Variants in SPAG17 observed in about 807,000 individuals in gnomAD.
SPAG17 encodes sperm associated antigen 17.
In SPAG17, 169 loss-of-function variants were observed where a neutral mutation model predicts 273.6. The ratio of observed to expected loss-of-function variants is 0.62; its 90% CI spans 0.55 to 0.70. SPAG17 has a LOEUF of 0.70. SPAG17 is among the 30% of genes least tolerant of loss of function. SPAG17 has a pLI of 0.00. For missense variants in SPAG17, 2,557 were observed against 2,627.8 expected (o/e 0.97, Z 0.59); for synonymous variants, 825 against 873.2 (o/e 0.94, Z 0.97).
At chr1:118,098,652 T>G (rs1443891719) in intron 6 of SPAG17, among the ~76,000 whole-genome samples, 1 of 152,138 alleles carries the variant, frequency 6.6e-6, no homozygotes, top group African/African-American at 2.4e-5. Context: ...CTTTTTAACT[T>G]AATAGCTGCC....
intron 3 of SPAG17, among the ~76,000 whole-genome samples, chr1:118,145,496 T>C (rs542229073): frequency 1.5e-3 from 236 of 152,318 alleles, no homozygotes; most frequent in African/African-American, 5.1e-3. Context: ...TAAAGTATGG[T>C]GAAATGCATT....
intron 3 of SPAG17, among the ~76,000 whole-genome samples, chr1:118,136,801 A>ATG (rs5777337): frequency 1.8e-3 from 263 of 147,248 alleles, no homozygotes; most frequent in Middle Eastern, 0.017. Flanking sequence ...GTGTGTGTGT[A>ATG]TGTGTGTGTG....
intron 30 of SPAG17, among the ~76,000 whole-genome samples, chr1:118,010,303 G>A (rs10923467): frequency 0.066 from 9,965 of 152,000 alleles, 526 homozygotes; most frequent in East Asian, 0.31. Context: ...TCAACTATAA[G>A]CTATACTACA....
intron 15 of SPAG17, among the ~76,000 whole-genome samples, chr1:118,074,986 C>CA (rs1557990382): frequency 2.0e-5 from 3 of 152,140 alleles, no homozygotes; most frequent in Non-Finnish European, 4.4e-5. Context: ...TATCACAAAG[C>CA]CTTTTTAAAT....
chr1:118,063,225 A>G (rs2102040884), intron 18 of SPAG17, among the ~76,000 whole-genome samples: 1 of 152,318 alleles, frequency 6.6e-6, no homozygotes, highest in East Asian at 1.9e-4. Context: ...ACAGAATTGG[A>G]AAAAACTACT....
chr1:118,011,360 A>G (rs1436312300), intron 30 of SPAG17, among the ~76,000 whole-genome samples: 1 of 152,196 alleles, frequency 6.6e-6, no homozygotes, highest in Non-Finnish European at 1.5e-5. Context: ...AGCAAATGGC[A>G]TACATATACA....
chr1:118,094,830 T>A (rs991968973), intron 7 of SPAG17, among the ~76,000 whole-genome samples: 6 of 152,156 alleles, frequency 3.9e-5, no homozygotes, highest in Non-Finnish European at 5.9e-5. Flanking sequence ...GAAGCATGCA[T>A]GGGCTTTAAA....
intron 17 of SPAG17, among the ~76,000 whole-genome samples, chr1:118,068,614 T>C (rs1222709546): frequency 1.3e-5 from 2 of 152,196 alleles, no homozygotes; most frequent in African/African-American, 4.8e-5. Context: ...CCTTTTTTAC[T>C]AATTGGTGCT....
chr1:117,997,347 G>C (rs763492043), intron 32 of SPAG17, among the ~76,000 whole-genome samples: 24 of 151,896 alleles, frequency 1.6e-4, no homozygotes, highest in Non-Finnish European at 2.8e-4. Flanking sequence ...AGAGGGTTTT[G>C]AGCTTTAAGT....
chr1:117,957,228 G>A, intron 48 of SPAG17: 1 of 1,597,914 alleles, frequency 6.3e-7, no homozygotes, highest in Non-Finnish European at 8.5e-7. Context: ...TACCATGTCT[G>A]TTCAGCAGAA....
intron 46 of SPAG17, among the ~76,000 whole-genome samples, chr1:117,968,894 A>G (rs1409850092): frequency 6.6e-6 from 1 of 152,056 alleles, no homozygotes; most frequent in African/African-American, 2.4e-5. Context: ...ATTCAATCAC[A>G]CCTCTCTTGA....
At chr1:118,151,990 C>T (rs1659412271) in intron 1 of SPAG17, among the ~76,000 whole-genome samples, 1 of 152,132 alleles carries the variant, frequency 6.6e-6, no homozygotes, top group African/African-American at 2.4e-5. Context: ...ACATGCAGTA[C>T]TTTTTTCTCT....
chr1:118,001,279 C>A (rs1428489430), intron 32 of SPAG17, among the ~76,000 whole-genome samples: 1 of 152,146 alleles, frequency 6.6e-6, no homozygotes, highest in African/African-American at 2.4e-5. Context: ...GTCTAAAATT[C>A]TCCTTTTTTG....
chr1:118,099,585 GT>G lies in SPAG17; in HGVS notation c.829+20del. 6.2e-7 allele frequency: 1 copy of G among 1,610,028 alleles called. No individual in the cohort carries two copies. On this transcript the variant is annotated intron_variant, in intron 6 of 48. Coordinates refer to ENST00000336338, the MANE Select transcript of SPAG17 (RefSeq NM_206996.4). ...TGGGTAATATTGAAGGACTCAGTAAGTTGTGTAGCAGACTGCATACCTTCTG... is the reference window on the plus strand; with the variant it reads ...TGGGTAATATTGAAGGACTCAGTAAGTGTGTAGCAGACTGCATACCTTCTG...
chr1:118,074,423 C>A (rs1240830308), intron 16 of SPAG17, 116 bp downstream of exon 16: 1 of 863,488 alleles, frequency 1.2e-6, no homozygotes, highest in Non-Finnish European at 1.9e-6. Context: ...TCTTTTCTAG[C>A]CTCAGTATTC....
chr1:118,069,907 C>T (rs1653406137), intron 17 of SPAG17, among the ~76,000 whole-genome samples: 1 of 152,020 alleles, frequency 6.6e-6, no homozygotes, highest in South Asian at 2.1e-4. Context: ...GTTAAAATGT[C>T]AGGGAAGATG....
At chr1:118,116,466 TG>T (rs1007191295) in intron 3 of SPAG17, among the ~76,000 whole-genome samples, 4 of 152,152 alleles carry the variant, frequency 2.6e-5, no homozygotes, top group Admixed American at 2.6e-4. Context: ...GGGGCGCATA[TG>T]GTGTCAATTT....
At chr1:118,184,080 GAAA>G (rs76095077) in intron 1 of SPAG17, among the ~76,000 whole-genome samples, 1 of 147,600 alleles carries the variant, frequency 6.8e-6, no homozygotes, top group Non-Finnish European at 1.5e-5. Flanking sequence ...CTGTTAATAG[GAAA>G]AAAAAACAGT....
intron 43 of SPAG17, among the ~76,000 whole-genome samples, chr1:117,979,556 C>T (rs765930437): frequency 8.5e-5 from 13 of 152,114 alleles, no homozygotes; most frequent in South Asian, 2.1e-4. Flanking sequence ...TTCCTTGCCA[C>T]GAGCTGTTAT....
Sources: gnomAD v4.1 joint callset for allele counts (sites outside exome capture counted in the v4.1 genomes callset) on GRCh38, gnomAD v4.1.1 for gene constraint, MANE v1.5 for transcripts, NCBI Gene and HGNC (gene_info 2026-07-23, HGNC 2026-07-21) for gene names.